The following KCNIP1 variants were observed in gnomAD, a reference collection of about 807,000 sequenced individuals.
The protein encoded by KCNIP1 is A-type potassium channel modulatory protein KCNIP1.
KCNIP1 carries 18 observed loss-of-function variants against 33.0 expected under a neutral mutation model. The ratio of observed to expected loss-of-function variants is 0.55; its 90% CI spans 0.38 to 0.81. The LOEUF is 0.81. KCNIP1 is among the 30% of genes least tolerant of loss of function. The pLI, the probability that KCNIP1 is intolerant of heterozygous loss-of-function variation, is 0.00. For synonymous variants in KCNIP1, 93 were observed against 98.3 expected (o/e 0.95, Z 0.32); for missense variants, 238 against 271.6 (o/e 0.88, Z 0.87).
Position 170,390,517 on chromosome 5 carries a change from A to AAAATATATATATATATATATATATATAT in KCNIP1, c.88+36554_88+36555insAATATATATATATATATATATATATATA. On this transcript the variant is annotated intron_variant, in intron 1 of 7. Coordinates refer to the KCNIP1 transcript ENST00000377360. ...GACCCCGTCTCAAAAAAAAAAAACA[A>AAAATATATATATATATATATATATATAT]ATATATATATATATATATATATTTT... Among the ~76,000 whole-genome samples, 28 of 74,502 alleles carry AAAATATATATATATATATATATATATAT rather than the reference A, an allele frequency of 3.8e-4. 1 individual carries two copies. Among genetic ancestry groups the AAAATATATATATATATATATATATATAT allele is most frequent in the East Asian group, 1.7e-3 (4 of 2,408 alleles). 48.9% of individuals were successfully genotyped at this position (74,502 alleles called of 152,430 possible).
At chr5:170,364,777 G>A (rs1581111331) in intron 1 of KCNIP1, among the ~76,000 whole-genome samples, 1 of 152,154 alleles carries the variant, frequency 6.6e-6, no homozygotes, top group Admixed American at 6.5e-5. Flanking sequence ...ATGTTTTAAT[G>A]GAAAATGTCT....
chr5:170,571,285 C>A (rs1757399161), intron 1 of KCNIP1, among the ~76,000 whole-genome samples: 1 of 152,226 alleles, frequency 6.6e-6, no homozygotes, highest in African/African-American at 2.4e-5. Context: ...ACCCTTTGAC[C>A]ATCACAGCCC....
intron 1 of KCNIP1, among the ~76,000 whole-genome samples, chr5:170,482,869 A>C (rs910488739): frequency 6.6e-6 from 1 of 152,190 alleles, no homozygotes; most frequent in Non-Finnish European, 1.5e-5. Flanking sequence ...TGAGTTTGGG[A>C]CAATTATCAG....
chr5:170,591,618 C>T (rs4867989), intron 1 of KCNIP1, among the ~76,000 whole-genome samples: 114,607 of 152,068 alleles, frequency 0.75, 43,987 homozygotes, highest in East Asian at 0.91. Flanking sequence ...CCCTCTTCCC[C>T]CAGCTCCTAG....
chr5:170,733,626 G>A (rs1028716922), intron 6 of KCNIP1, among the ~76,000 whole-genome samples: 2 of 152,180 alleles, frequency 1.3e-5, no homozygotes, highest in Non-Finnish European at 2.9e-5. Flanking sequence ...ATTTAAGGAA[G>A]CTCATGGGGC....
At chr5:170,563,660 G>C (rs1002147470) in intron 1 of KCNIP1, among the ~76,000 whole-genome samples, 1 of 151,736 alleles carries the variant, frequency 6.6e-6, no homozygotes, top group African/African-American at 2.4e-5. Flanking sequence ...TTGTTTGTTT[G>C]AGACAGTTTC....
At chr5:170,607,642 GGGT>G (rs1758978131) in intron 1 of KCNIP1, among the ~76,000 whole-genome samples, 1 of 152,224 alleles carries the variant, frequency 6.6e-6, no homozygotes, top group African/African-American at 2.4e-5. Flanking sequence ...TTCTCACGAA[GGGT>G]TCATCCCTGC....
chr5:170,690,996 C>T (rs1762699211), intron 1 of KCNIP1, among the ~76,000 whole-genome samples: 2 of 152,200 alleles, frequency 1.3e-5, no homozygotes, highest in African/African-American at 2.4e-5. Flanking sequence ...TTTTACCAAA[C>T]TTAAAGCCTT....
At chr5:170,571,422 G>A (rs564590077) in intron 1 of KCNIP1, among the ~76,000 whole-genome samples, 33 of 152,266 alleles carry the variant, frequency 2.2e-4, no homozygotes, top group African/African-American at 6.5e-4. Flanking sequence ...TTGCCTGTGC[G>A]CAGGCTTTTC....
intron 1 of KCNIP1, among the ~76,000 whole-genome samples, chr5:170,411,441 A>G (rs185460101): frequency 6.6e-6 from 1 of 152,186 alleles, no homozygotes; most frequent in African/African-American, 2.4e-5. Context: ...CAGGGGACAG[A>G]GAGTGAGAGA....
At chr5:170,549,566 G>T (rs1756533501) in intron 1 of KCNIP1, among the ~76,000 whole-genome samples, 1 of 152,162 alleles carries the variant, frequency 6.6e-6, no homozygotes, top group South Asian at 2.1e-4. Flanking sequence ...ATGATAGCAG[G>T]TTTACTGTTG....
chr5:170,532,843 C>T (rs1029859175), intron 1 of KCNIP1, among the ~76,000 whole-genome samples: 1 of 152,142 alleles, frequency 6.6e-6, no homozygotes. Flanking sequence ...CTTTCTGATC[C>T]TCTCCTCCTC....
intron 1 of KCNIP1, among the ~76,000 whole-genome samples, chr5:170,589,279 G>A (rs762257384): frequency 6.6e-6 from 1 of 152,156 alleles, no homozygotes; most frequent in Non-Finnish European, 1.5e-5. Flanking sequence ...GATTACAGGC[G>A]TGAGGCACCG....
At chr5:170,536,455 C>T (rs906539140) in intron 1 of KCNIP1, among the ~76,000 whole-genome samples, 1 of 152,210 alleles carries the variant, frequency 6.6e-6, no homozygotes, top group African/African-American at 2.4e-5. Flanking sequence ...CCATTTTCTG[C>T]CCAGGCTGTG....
intron 1 of KCNIP1, among the ~76,000 whole-genome samples, chr5:170,390,538 A>ATATATT (rs1554088948): frequency 5.3e-5 from 7 of 131,258 alleles, no homozygotes; most frequent in African/African-American, 2.1e-4. Flanking sequence ...ATATATATAT[A>ATATATT]TTTTCAACAA....
chr5:170,411,875 G>T (rs1034414761), intron 1 of KCNIP1, among the ~76,000 whole-genome samples: 2 of 152,164 alleles, frequency 1.3e-5, no homozygotes, highest in Admixed American at 1.3e-4. Context: ...GTCAGAAGAG[G>T]GGGCAGTCTG....
intron 1 of KCNIP1, among the ~76,000 whole-genome samples, chr5:170,533,964 T>C (rs1227332547): frequency 1.3e-5 from 2 of 152,212 alleles, no homozygotes; most frequent in Non-Finnish European, 2.9e-5. Flanking sequence ...TAGTTTCTCA[T>C]GCATTCATTC....
rs150568378 is a variant in KCNIP1, at chr5:170,436,257, G to A, written c.88+82293G>A. Among the ~76,000 whole-genome samples, 471 of 152,326 alleles carry A rather than the reference G, an allele frequency of 3.1e-3. 2 individuals carry two copies. The highest frequency in any genetic ancestry group is 5.6e-3 in the Non-Finnish European group (378 of 68,028). On this transcript the variant is annotated intron_variant, in intron 1 of 7. Coordinates refer to the KCNIP1 transcript ENST00000377360. ...GCCATTATGCAAATTCCGGCCATTC[G>A]AGGTTATTAATTTGCAGGAGAGACT...
At chr5:170,534,890 G>A (rs751294914) in intron 1 of KCNIP1, among the ~76,000 whole-genome samples, 1 of 151,894 alleles carries the variant, frequency 6.6e-6, no homozygotes, top group Admixed American at 6.5e-5. Context: ...TAGAGTTGAG[G>A]CCCGGGAGAC....
Sources: gnomAD v4.1 joint callset for allele counts (sites outside exome capture counted in the v4.1 genomes callset) on GRCh38, gnomAD v4.1.1 for gene constraint, MANE v1.5 for transcripts, NCBI Gene and HGNC (gene_info 2026-07-23, HGNC 2026-07-21) for gene names.